Variants in PPP2R2A observed in about 807,000 individuals in gnomAD.
The protein encoded by PPP2R2A is serine/threonine-protein phosphatase 2A 55 kDa regulatory subunit B alpha isoform.
In PPP2R2A, 9 loss-of-function variants were observed where a neutral mutation model predicts 53.2. The ratio of observed to expected loss-of-function variants is 0.17; its 90% confidence interval spans 0.10 to 0.30. The LOEUF (loss-of-function observed/expected upper bound fraction) is 0.30. PPP2R2A is among the 10% of genes least tolerant of loss of function. The pLI is 1.00. For synonymous variants in PPP2R2A, 169 were observed against 174.2 expected (o/e 0.97, Z 0.23); for missense variants, 235 against 534.6 (o/e 0.44, Z 5.53).
chr8:26,347,989 A>G (rs1180508382), intron 3 of PPP2R2A, among the ~76,000 whole-genome samples: 1 of 152,176 alleles, frequency 6.6e-6, no homozygotes, highest in Non-Finnish European at 1.5e-5. Context: ...TAGTTATCAG[A>G]TATCATTTAA....
At chr8:26,302,925 G>A (rs1031254378) in intron 2 of PPP2R2A, among the ~76,000 whole-genome samples, 4 of 152,116 alleles carry the variant, frequency 2.6e-5, no homozygotes, top group African/African-American at 9.7e-5. Context: ...GGTCTTTGAT[G>A]GTCTAAGATT....
intron 2 of PPP2R2A, among the ~76,000 whole-genome samples, chr8:26,300,713 G>T (rs961697786): frequency 2.6e-5 from 4 of 152,114 alleles, no homozygotes; most frequent in African/African-American, 9.7e-5. Context: ...AATTAGCCGG[G>T]TGTGGTGGTG....
At chr8:26,314,414 T>G (rs1802441737) in intron 2 of PPP2R2A, among the ~76,000 whole-genome samples, 1 of 152,234 alleles carries the variant, frequency 6.6e-6, no homozygotes, top group South Asian at 2.1e-4. Flanking sequence ...TCGTGGGAAT[T>G]CTTTTGCCTC....
chr8:26,323,868 A>G (rs1162629910), intron 2 of PPP2R2A, among the ~76,000 whole-genome samples: 5 of 152,118 alleles, frequency 3.3e-5, no homozygotes, highest in Admixed American at 3.3e-4. Context: ...TGTGGCTACC[A>G]CCTGAGTTCT....
At chr8:26,301,158 C>T (rs1366054847) in intron 2 of PPP2R2A, among the ~76,000 whole-genome samples, 1 of 152,138 alleles carries the variant, frequency 6.6e-6, no homozygotes, top group Non-Finnish European at 1.5e-5. Context: ...TATTTCAAAA[C>T]TTAATCTCCT....
chr8:26,310,675 T>C (rs1802250783), intron 2 of PPP2R2A, among the ~76,000 whole-genome samples: 1 of 151,894 alleles, frequency 6.6e-6, no homozygotes, highest in African/African-American at 2.4e-5. Flanking sequence ...TTCCTTTTTT[T>C]TTTTTTAATG....
intron 2 of PPP2R2A, among the ~76,000 whole-genome samples, chr8:26,329,812 T>C (rs910631000): frequency 6.6e-6 from 1 of 152,226 alleles, no homozygotes; most frequent in Admixed American, 6.5e-5. Flanking sequence ...AAGGGAATGT[T>C]ATACTTTGAA....
chr8:26,357,698 G>T (rs1470441350), intron 4 of PPP2R2A, among the ~76,000 whole-genome samples: 5 of 151,960 alleles, frequency 3.3e-5, no homozygotes, highest in African/African-American at 1.2e-4. Flanking sequence ...ACATAAAGCT[G>T]CATTCCCACA....
At chr8:26,304,461 A>T (rs1801923842) in intron 2 of PPP2R2A, among the ~76,000 whole-genome samples, 1 of 152,154 alleles carries the variant, frequency 6.6e-6, no homozygotes, top group South Asian at 2.1e-4. Context: ...AATTTTAAAA[A>T]TTTTCTAAAG....
chr8:26,366,272 A>G (rs867146495), intron 8 of PPP2R2A, 43 bp from the exon 9 acceptor site: 1 of 1,491,096 alleles, frequency 6.7e-7, no homozygotes, highest in Non-Finnish European at 9.3e-7. Flanking sequence ...TTGTTAAATC[A>G]TTTTCCTAAT....
At chr8:26,312,234 G>A (rs1243663483) in intron 2 of PPP2R2A, among the ~76,000 whole-genome samples, 1 of 152,168 alleles carries the variant, frequency 6.6e-6, no homozygotes, top group Non-Finnish European at 1.5e-5. Context: ...ATTCAGAAGT[G>A]TGCTGTTTTG....
chr8:26,293,474 CTT>C, intron 1 of PPP2R2A, 190 bp from the exon 2 acceptor site: 1 of 692,108 alleles, frequency 1.4e-6, no homozygotes, highest in South Asian at 2.1e-5. Flanking sequence ...TACCTGGAAT[CTT>C]TTTTTTCTTT....
At chr8:26,299,400 G>C (rs1209005182) in intron 2 of PPP2R2A, among the ~76,000 whole-genome samples, 2 of 152,046 alleles carry the variant, frequency 1.3e-5, no homozygotes, top group Non-Finnish European at 1.5e-5. Context: ...ATATTTGATA[G>C]TCTTAAACTT....
At chr8:26,343,494 C>T (rs1156748614) in intron 3 of PPP2R2A, among the ~76,000 whole-genome samples, 1 of 151,726 alleles carries the variant, frequency 6.6e-6, no homozygotes, top group Non-Finnish European at 1.5e-5. Context: ...GCCTCAGCCT[C>T]CTGAGTAGCT....
intron 3 of PPP2R2A, among the ~76,000 whole-genome samples, chr8:26,349,947 T>G (rs1804410812): frequency 6.6e-6 from 1 of 152,212 alleles, no homozygotes; most frequent in Non-Finnish European, 1.5e-5. Context: ...AATTTTATTC[T>G]TGTGAACAGT....
chr8:26,315,509 A>G (rs1240656811), intron 2 of PPP2R2A, among the ~76,000 whole-genome samples: 1 of 152,218 alleles, frequency 6.6e-6, no homozygotes, highest in Non-Finnish European at 1.5e-5. Context: ...TCTCAAATTG[A>G]TACCTTCTCA....
intron 6 of PPP2R2A, 81 bp downstream of exon 6, chr8:26,361,232 A>G (rs891169237): frequency 1.7e-5 from 24 of 1,396,818 alleles, no homozygotes; most frequent in Middle Eastern, 1.9e-4. Flanking sequence ...CTCCTAATGA[A>G]TTTGGTTGCT....
At chr8:26,330,315 T>TCC (rs1803305614) in intron 2 of PPP2R2A, among the ~76,000 whole-genome samples, 1 of 137,560 alleles carries the variant, frequency 7.3e-6, no homozygotes, top group South Asian at 2.2e-4. Flanking sequence ...TTCTTTTTTT[T>TCC]TTTTTTTTTT....
intron 2 of PPP2R2A, among the ~76,000 whole-genome samples, chr8:26,295,587 G>T (rs969876726): frequency 2.0e-5 from 3 of 152,160 alleles, no homozygotes; most frequent in African/African-American, 7.2e-5. Flanking sequence ...CTGATACTTA[G>T]TAGCTGCATT....
Sources: gnomAD v4.1 joint callset for allele counts (sites outside exome capture counted in the v4.1 genomes callset) on GRCh38, gnomAD v4.1.1 for gene constraint, MANE v1.5 for transcripts, NCBI Gene and HGNC (gene_info 2026-07-23, HGNC 2026-07-21) for gene names.